Variants in STPG1 observed in about 807,000 individuals in gnomAD.
The protein encoded by STPG1 is O(6)-methylguanine-induced apoptosis 2.
STPG1 carries 33 observed loss-of-function variants against 40.1 expected under a neutral mutation model. The observed-to-expected ratio is 0.82, with a 90% CI of 0.62 to 1.10. The LOEUF (loss-of-function observed/expected upper bound fraction) is 1.10. STPG1 is among the 50% of genes least tolerant of loss of function. The pLI is 0.00. For synonymous variants in STPG1, 150 were observed against 155.0 expected (o/e 0.97, Z 0.24); for missense variants, 396 against 415.1 (o/e 0.95, Z 0.40).
rs188211091 is a variant in STPG1 at position 24,404,413 on chromosome 1, G to A, written c.-68-2957C>T. On this transcript the variant is annotated intron_variant, in intron 1 of 8. Coordinates refer to ENST00000337248, the MANE Select transcript of STPG1 (RefSeq NM_001199013.2). ...TCCTTTTCATTTTAAAAATGTCTTT[G>A]ATTTGGGCATCAGGGTAATGCTTGC... Among the ~76,000 whole-genome samples the A allele has an allele frequency of 5.3e-5, 8 of 152,250 alleles. No homozygotes were observed. The East Asian group carries it at 9.6e-4, about 18-fold the overall frequency.
Position 24,373,746 on chromosome 1 carries a change from G to A in STPG1, c.527C>T (p.Thr176Ile), listed in dbSNP as rs750996550. ...AGCAAAAGCGAAAGATCCTCTTTGG[G>A]TTTTTGACATAAACCCGGCTCGAGT... ...VCTRAGFMSKTQRGSFAFADK... is the reference protein window; with the variant it reads ...VCTRAGFMSKIQRGSFAFADK... Residue 176 changes from threonine to isoleucine, a missense_variant, in exon 6 of 9, where the codon ACC (threonine) becomes ATC (isoleucine). By Grantham distance (89) the Thr-to-Ile change is moderately conservative. Transcript: ENST00000337248. The A allele has an allele frequency of 1.4e-5, 23 of 1,613,006 alleles. 1 individual carries two copies. Among genetic ancestry groups the A allele is most frequent in the Non-Finnish European group, 1.6e-5 (19 of 1,178,992 alleles).
chr1:24,391,902 G>C, intron 2 of STPG1: 1 of 1,294,920 alleles, frequency 7.7e-7, no homozygotes, highest in Non-Finnish European at 9.8e-7. Context: ...TTAAATTAGT[G>C]AGATGTGGTC....
chr1:24,374,666 C>CAAAA (rs1641938265), intron 5 of STPG1, among the ~76,000 whole-genome samples: 2 of 151,832 alleles, frequency 1.3e-5, no homozygotes, highest in African/African-American at 4.8e-5. Flanking sequence ...ACTGTGTTGC[C>CAAAA]CAGGCTGGAG....
chr1:24,393,767 A>G lies in STPG1; in HGVS notation c.71-2088T>C, dbSNP rs116004133. Among the ~76,000 whole-genome samples, 232 of 152,320 alleles carry G rather than the reference A, an allele frequency of 1.5e-3. 1 individual carries two copies. Among genetic ancestry groups the G allele is most frequent in the African/African-American group, 5.2e-3 (218 of 41,570 alleles). ...AAAAAAAGTTAAAAATGGGCAAGAT[A>G]TATAAAGCAATCAAGATACTGGACA... On this transcript the variant is annotated intron_variant, in intron 2 of 8. Transcript: ENST00000337248.
chr1:24,379,953 C>T (rs925892042), intron 4 of STPG1, 130 bp from the exon 5 acceptor site: 26 of 861,252 alleles, frequency 3.0e-5, no homozygotes, highest in Non-Finnish European at 4.2e-5. Flanking sequence ...CTGGCAGTAA[C>T]AATGATAAAC....
At chr1:24,387,096 G>A (rs1642541354) in intron 3 of STPG1, among the ~76,000 whole-genome samples, 1 of 152,268 alleles carries the variant, frequency 6.6e-6, no homozygotes, top group Non-Finnish European at 1.5e-5. Context: ...CCTTCAGAGT[G>A]GGACTGAGCA....
rs57446356 is a variant in STPG1, at chr1:24,357,928, A to C, written c.*615T>G. ...TCCAAGATGATCTCCCACTCCAAAGAGAAAAAGGTCTAAAAGGAGTAAAGA... is the reference window on the plus strand; with the variant it reads ...TCCAAGATGATCTCCCACTCCAAAGCGAAAAAGGTCTAAAAGGAGTAAAGA... On this transcript the variant is annotated 3_prime_UTR_variant, in exon 9 of 9. Coordinates refer to ENST00000337248, the MANE Select transcript of STPG1 (RefSeq NM_001199013.2). The C allele has an allele frequency of 3.1e-3, 1,023 of 325,548 alleles. 24 individuals are homozygous for C. The East Asian group carries it at 0.046, about 15-fold the overall frequency. The allele number at this position is 325,548 out of a possible 1,614,324, so 20.2% of individuals were successfully genotyped here. A position where few individuals can be genotyped will look rare whatever the true frequency, so the allele number is the denominator to read the frequency against.
chr1:24,402,570 TAAGCAACATAGTGAGACCCC>T lies in STPG1; in HGVS notation c.-68-1134_-68-1115del, dbSNP rs1334437112. On this transcript the variant is annotated intron_variant, in intron 1 of 8. Coordinates refer to ENST00000337248, the MANE Select transcript of STPG1 (RefSeq NM_001199013.2). ...TGAAGCGAGGAGTTTGAGACTAGCCTAAGCAACATAGTGAGACCCCATCTCTACGAAAAATAAAAAATTAG... is the reference window on the plus strand; with the variant it reads ...TGAAGCGAGGAGTTTGAGACTAGCCTATCTCTACGAAAAATAAAAAATTAG... Among the ~76,000 whole-genome samples, 3 of 151,972 alleles carry T rather than the reference TAAGCAACATAGTGAGACCCC, an allele frequency of 2.0e-5. No homozygotes were observed. The East Asian group carries it at 5.8e-4, about 29-fold the overall frequency.
At chr1:24,376,046 G>A (rs1642007800) in intron 5 of STPG1, among the ~76,000 whole-genome samples, 1 of 152,062 alleles carries the variant, frequency 6.6e-6, no homozygotes, top group Non-Finnish European at 1.5e-5. Context: ...TTTGAGATGG[G>A]GTCTCACTCT....
chr1:24,384,368 C>T (rs1337689803), intron 3 of STPG1, among the ~76,000 whole-genome samples: 3 of 152,202 alleles, frequency 2.0e-5, no homozygotes, highest in Non-Finnish European at 2.9e-5. Context: ...GTAAGCCAGA[C>T]CCACGGCAAG....
At chr1:24,414,464 C>T (rs544969333), upstream of STPG1, 1 of 151,504 alleles carries the variant, frequency 6.6e-6, no homozygotes, top group African/African-American at 2.4e-5. Context: ...GCGGTCTCAG[C>T]GACCTTGTCA....
At chr1:24,395,714 G>A (rs1344139698) in intron 2 of STPG1, among the ~76,000 whole-genome samples, 3 of 152,156 alleles carry the variant, frequency 2.0e-5, no homozygotes, top group East Asian at 1.9e-4. Context: ...TTACAGGCAT[G>A]AGCCACCAAA....
intron 7 of STPG1, 110 bp downstream of exon 7, chr1:24,369,564 T>C (rs1641632768): frequency 6.8e-6 from 8 of 1,178,014 alleles, no homozygotes; most frequent in Non-Finnish European, 9.8e-6. Context: ...CTGAAGAGAG[T>C]GGCCCGGCAC....
chr1:24,363,377 T>A (rs1392646600), intron 7 of STPG1, among the ~76,000 whole-genome samples: 1 of 152,202 alleles, frequency 6.6e-6, no homozygotes, highest in Non-Finnish European at 1.5e-5. Context: ...ATCCAGGCAG[T>A]TCTGTACTAA....
At chr1:24,414,912 A>G (rs1044455814), upstream of STPG1, 1 of 152,150 alleles carries the variant, frequency 6.6e-6, no homozygotes, top group Non-Finnish European at 1.5e-5. Context: ...ATCTCTCACC[A>G]GCCCTGCTGG....
chr1:24,393,563 G>C (rs111858634), intron 2 of STPG1, among the ~76,000 whole-genome samples: 2 of 152,188 alleles, frequency 1.3e-5, no homozygotes, highest in Admixed American at 1.3e-4. Flanking sequence ...CTGGGGAAAG[G>C]AGAGGTTTCT....
chr1:24,383,079 T>C (rs1456788886), intron 4 of STPG1, among the ~76,000 whole-genome samples: 1 of 152,018 alleles, frequency 6.6e-6, no homozygotes, highest in Non-Finnish European at 1.5e-5. Context: ...TCCTGGCTAA[T>C]TTTTAAATTA....
At chr1:24,390,250 C>A (rs765510294) in intron 3 of STPG1, among the ~76,000 whole-genome samples, 1 of 152,182 alleles carries the variant, frequency 6.6e-6, no homozygotes. Context: ...TTGCTTCTGT[C>A]CCCTGCTGGT....
In STPG1 at chr1:24,379,896, A is replaced by G. The variant is rs1642208654; in HGVS notation, c.292-73T>C. 6 of 1,486,794 alleles carry G rather than the reference A, an allele frequency of 4.0e-6. No homozygotes were observed. In the South Asian group the frequency reaches 4.8e-5, roughly 12 times the overall value. The allele number at this position is 1,486,794 out of a possible 1,614,324, so 92.1% of individuals were successfully genotyped here. ...GATCTGAAGGACAGATGTCAAAAAG[A>G]TGGTGACCAGCACAAGGTCTAAATG... is the stretch of plus-strand genomic sequence containing the variant. On this transcript the variant is annotated intron_variant, in intron 4 of 8. Coordinates refer to ENST00000337248, the MANE Select transcript of STPG1 (RefSeq NM_001199013.2).
Sources: gnomAD v4.1 joint callset for allele counts (sites outside exome capture counted in the v4.1 genomes callset) on GRCh38, gnomAD v4.1.1 for gene constraint, MANE v1.5 for transcripts, NCBI Gene and HGNC (gene_info 2026-07-23, HGNC 2026-07-21) for gene names.